Variants in LEMD3 observed in about 807,000 individuals in gnomAD.
LEMD3 encodes inner nuclear membrane protein Man1.
Under a neutral mutation model 95.2 loss-of-function variants are expected in LEMD3, and 33 were observed. The observed-to-expected ratio is 0.35, with a 90% CI of 0.26 to 0.46. The LOEUF is 0.46. Among genes scored for constraint, LEMD3 ranks in the 20% least tolerant of loss-of-function variants. The pLI, the probability that LEMD3 is intolerant of heterozygous loss-of-function variation, is 1.00. For synonymous variants in LEMD3, 525 were observed against 474.6 expected (o/e 1.11, Z -1.38); for missense variants, 1,210 against 1,192.8 (o/e 1.01, Z -0.21).
In LEMD3 at chr12:65,180,448, A is replaced by G. The variant is rs1248532104; in HGVS notation, c.1522+9330A>G. Among the ~76,000 whole-genome samples the G allele has an allele frequency of 2.0e-5, 3 of 151,158 alleles. No homozygotes were observed. In the East Asian group the frequency reaches 5.8e-4, roughly 29 times the overall value. On this transcript the variant is annotated intron_variant, in intron 1 of 12. Transcript: ENST00000308330. ...CAGGAAGAAAATAAGTTAGGTTTTA[A>G]TAATTTATTTTGCATGTTTAATATC...
chr12:65,186,032 G>T (rs955436956), intron 1 of LEMD3, among the ~76,000 whole-genome samples: 1 of 151,984 alleles, frequency 6.6e-6, no homozygotes, highest in Non-Finnish European at 1.5e-5. Context: ...TTTATTTCAT[G>T]CTGAGATTGG....
intron 1 of LEMD3, chr12:65,171,961 T>C (rs915828563): frequency 2.0e-5 from 3 of 152,236 alleles, no homozygotes; most frequent in African/African-American, 7.2e-5. Flanking sequence ...CAGACTACAC[T>C]GACGTAGGTG....
intron 4 of LEMD3, among the ~76,000 whole-genome samples, chr12:65,228,219 C>CTT (rs1870513761): frequency 6.6e-6 from 1 of 152,038 alleles, no homozygotes; most frequent in Admixed American, 6.6e-5. Context: ...AAGTCAAAGT[C>CTT]TAAGCCAGGC....
chr12:65,204,777 C>T (rs1869712179), intron 1 of LEMD3, among the ~76,000 whole-genome samples: 1 of 152,048 alleles, frequency 6.6e-6, no homozygotes, highest in South Asian at 2.1e-4. Flanking sequence ...CCACACCTCG[C>T]CAGAATATAC....
chr12:65,208,675 G>A lies in LEMD3; in HGVS notation c.1523-2251G>A, dbSNP rs760812952. Among the ~76,000 whole-genome samples the A allele has an allele frequency of 1.4e-3, 206 of 152,046 alleles. 6 individuals carry two copies. The highest frequency in any genetic ancestry group is 9.6e-4 in the Non-Finnish European group (65 of 67,964). On this transcript the variant is annotated intron_variant, in intron 1 of 12. Transcript: ENST00000308330. ...GGGCTTTTAATTTGTTAGAGTTGCT[G>A]TTTTTGGTTGGTGTTTTCTTGTAAA...
At chr12:65,190,980 C>T (rs1869222276) in intron 1 of LEMD3, among the ~76,000 whole-genome samples, 1 of 152,010 alleles carries the variant, frequency 6.6e-6, no homozygotes, top group Non-Finnish European at 1.5e-5. Flanking sequence ...CACAACATTG[C>T]AGAATCAGCA....
chr12:65,216,531 A>G (rs1338439895), intron 3 of LEMD3, among the ~76,000 whole-genome samples: 2 of 152,068 alleles, frequency 1.3e-5, no homozygotes, highest in African/African-American at 2.4e-5. Context: ...AAGGTAGTCA[A>G]CTTGTCCGAA....
At chr12:65,183,528 A>G (rs1033574600) in intron 1 of LEMD3, among the ~76,000 whole-genome samples, 7 of 152,110 alleles carry the variant, frequency 4.6e-5, no homozygotes, top group Non-Finnish European at 8.8e-5. Context: ...CTTTGTAATA[A>G]CTCTATGATG....
chr12:65,245,522 A>G, intron 10 of LEMD3, 147 bp from the exon 11 acceptor site: 2 of 663,436 alleles, frequency 3.0e-6, no homozygotes, highest in Non-Finnish European at 5.4e-6. Context: ...CCTGTTAGTC[A>G]ACAAGCATTT....
At chr12:65,237,786 T>A (rs1870814102) in intron 4 of LEMD3, among the ~76,000 whole-genome samples, 1 of 152,236 alleles carries the variant, frequency 6.6e-6, no homozygotes, top group South Asian at 2.1e-4. Context: ...GCTCAAATCT[T>A]ATAATTGGTA....
At chr12:65,197,293 G>A (rs1767386994) in intron 1 of LEMD3, among the ~76,000 whole-genome samples, 1 of 152,094 alleles carries the variant, frequency 6.6e-6, no homozygotes, top group Non-Finnish European at 1.5e-5. Context: ...TAGAATGGTT[G>A]TGGGAAATTG....
At chr12:65,216,180 A>G in intron 3 of LEMD3, 137 bp downstream of exon 3, 1 of 576,560 alleles carries the variant, frequency 1.7e-6, no homozygotes, top group Non-Finnish European at 3.1e-6. Context: ...TTACCTATAC[A>G]GAGTGATTTT....
Position 65,238,767 on chromosome 12 carries a change from G to A in LEMD3, c.1874G>A (p.Arg625Gln), listed in dbSNP as rs766320286. The change falls in exon 6 of 13, where the codon CGA becomes CAA. Residue 625 changes from arginine to glutamine, a missense_variant. Physicochemically the swap from Arg to Gln is conservative, Grantham distance 43. This residue lies in a region of LEMD3 where 461 missense variants were observed against 569.8 expected (regional missense o/e 0.81). Coordinates refer to ENST00000308330, the MANE Select transcript of LEMD3 (RefSeq NM_014319.5). ...CTGATGTCTTTTTGGTGTCGTTTTCGACGTGCTTTTGTTACTGTAACTCAC... is the reference window on the plus strand; with the variant it reads ...CTGATGTCTTTTTGGTGTCGTTTTCAACGTGCTTTTGTTACTGTAACTCAC... ...RPLMSFWCRF[R>Q]RAFVTVTHRL... 8.7e-6 allele frequency: 14 copies of A among 1,614,000 alleles called. No homozygotes were observed. The highest frequency in any genetic ancestry group is 2.7e-5 in the African/African-American group (2 of 75,040).
chr12:65,172,194 A>G (rs762226518), intron 1 of LEMD3, among the ~76,000 whole-genome samples: 3 of 152,194 alleles, frequency 2.0e-5, no homozygotes, highest in Non-Finnish European at 2.9e-5. Context: ...TGAGGCCTCT[A>G]TTGACTAGAA....
chr12:65,247,669 C>G lies in LEMD3; in HGVS notation c.*1344C>G, dbSNP rs752981509. 1 of 152,402 alleles carries G rather than the reference C, an allele frequency of 6.6e-6. No individual in the cohort carries two copies. Among genetic ancestry groups the G allele is most frequent in the Non-Finnish European group, 1.5e-5 (1 of 67,980 alleles). The allele number at this position is 152,402 out of a possible 1,614,324, so 9.4% of individuals were successfully genotyped here. On this transcript the variant is annotated 3_prime_UTR_variant, in exon 13 of 13. Coordinates refer to ENST00000308330, the MANE Select transcript of LEMD3 (RefSeq NM_014319.5). ...AATATGTGAAACAGCTGGAATTGTACAAATTTTGGTTGTATTTAAAGCTCA... is the reference window on the plus strand; with the variant it reads ...AATATGTGAAACAGCTGGAATTGTAGAAATTTTGGTTGTATTTAAAGCTCA...
chr12:65,201,398 C>G (rs58244788), intron 1 of LEMD3, among the ~76,000 whole-genome samples: 49,642 of 151,974 alleles, frequency 0.33, 8,232 homozygotes, highest in South Asian at 0.39. Flanking sequence ...GAACTGACAT[C>G]TAGAAAATAT....
chr12:65,198,843 C>T (rs1311759602), intron 1 of LEMD3, among the ~76,000 whole-genome samples: 1 of 151,568 alleles, frequency 6.6e-6, no homozygotes, highest in African/African-American at 2.4e-5. Flanking sequence ...TTGTTTTTTT[C>T]CTCCCACGTA....
chr12:65,193,736 G>C (rs1432697722), intron 1 of LEMD3, among the ~76,000 whole-genome samples: 2 of 135,536 alleles, frequency 1.5e-5, no homozygotes, highest in Non-Finnish European at 3.4e-5. Context: ...AACTGGCTGT[G>C]TGTGTGTGTG....
At chr12:65,174,147 A>T (rs1211440657) in intron 1 of LEMD3, among the ~76,000 whole-genome samples, 1 of 152,212 alleles carries the variant, frequency 6.6e-6, no homozygotes, top group Non-Finnish European at 1.5e-5. Context: ...AACATATAGT[A>T]GATTAGTCTT....
Sources: allele counts gnomAD v4.1 joint callset (sites outside exome capture counted in the v4.1 genomes callset), GRCh38; gene constraint gnomAD v4.1.1; regional missense constraint gnomAD v4.1.1; transcripts MANE v1.5; gene names NCBI Gene and HGNC (gene_info 2026-07-23, HGNC 2026-07-21).